Variants in VAMP7 observed in about 807,000 individuals in gnomAD.
The protein encoded by VAMP7 is vesicle-associated membrane protein 7.
A neutral mutation model predicts 29.6 loss-of-function variants in VAMP7; 14 were observed. The observed-to-expected ratio is 0.47, with a 90% CI of 0.31 to 0.74. The LOEUF is 0.74. Ranked by LOEUF, VAMP7 falls within the 30% of genes least tolerant of loss-of-function variation. The pLI is 0.05. For synonymous variants in VAMP7, 95 were observed against 88.1 expected (o/e 1.08, Z -0.44); for missense variants, 223 against 262.4 (o/e 0.85, Z 1.04).
intron 6 of VAMP7, among the ~76,000 whole-genome samples, chrX:155,923,575 G>A (rs1223444665): frequency 6.6e-6 from 1 of 151,276 alleles, no homozygotes; most frequent in Non-Finnish European, 1.5e-5. Context: ...TACATAAAGT[G>A]TATTTTTTTT....
chrX:155,927,754 T>C (rs933121291), intron 6 of VAMP7, among the ~76,000 whole-genome samples: 5 of 140,172 alleles, frequency 3.6e-5, no homozygotes, highest in Non-Finnish European at 6.1e-5. Flanking sequence ...TTTTAGTTTT[T>C]CACAATGGCA....
Position 155,919,872 on chromosome X carries a change from G to T in VAMP7, c.493G>T (p.Val165Leu), listed in dbSNP as rs143522328. The change falls in exon 6 of 8, where the codon GTG becomes TTG. Residue 165 changes from valine (V) to leucine (L), a missense_variant. Transcript: ENST00000286448. ...ATTGATTGACAAAACAGAAAATCTT[G>T]TGGATTCTGTAAGTATGGAATCTGA... ...ELLIDKTENL[V>L]DSSVTFKTTS... 58 of 1,611,864 alleles carry T rather than the reference G, an allele frequency of 3.6e-5. No individual in the cohort carries two copies. The highest frequency in any genetic ancestry group is 3.3e-4 in the Middle Eastern group (2 of 6,044).
chrX:155,934,584 C>G (rs1174211703), intron 6 of VAMP7, among the ~76,000 whole-genome samples: 1 of 152,106 alleles, frequency 6.6e-6, no homozygotes, highest in African/African-American at 2.4e-5. Context: ...TATTTTGAGC[C>G]TATGTGTGTC....
chrX:155,925,931 G>A (rs2066460821), intron 6 of VAMP7, among the ~76,000 whole-genome samples: 1 of 152,094 alleles, frequency 6.6e-6, no homozygotes, highest in African/African-American at 2.4e-5. Context: ...CTCCATCAGA[G>A]CTCTTGAGTG....
chrX:155,940,638 A>G (rs924242464), intron 7 of VAMP7, among the ~76,000 whole-genome samples: 5 of 152,230 alleles, frequency 3.3e-5, no homozygotes, highest in Admixed American at 2.6e-4. Context: ...CATGCAGAGC[A>G]CAGCTCTAAA....
intron 6 of VAMP7, among the ~76,000 whole-genome samples, chrX:155,932,285 A>G (rs2066571300): frequency 6.6e-6 from 1 of 152,156 alleles, no homozygotes; most frequent in Admixed American, 6.5e-5. Flanking sequence ...TTGAATCTAT[A>G]AATTACCTTG....
chrX:155,908,013 G>T (rs2066174345), intron 5 of VAMP7, among the ~76,000 whole-genome samples: 1 of 152,128 alleles, frequency 6.6e-6, no homozygotes, highest in Non-Finnish European at 1.5e-5. Context: ...CGGCTGGGCA[G>T]AGACGCTCCT....
intron 5 of VAMP7, among the ~76,000 whole-genome samples, chrX:155,908,190 T>A (rs940313848): frequency 1.3e-5 from 2 of 152,130 alleles, no homozygotes; most frequent in Non-Finnish European, 2.9e-5. Flanking sequence ...CTCGGCACTT[T>A]GGGAGGCCAA....
At chrX:155,886,804 TTATG>T (rs1170996656) in intron 1 of VAMP7, among the ~76,000 whole-genome samples, 5 of 152,172 alleles carry the variant, frequency 3.3e-5, no homozygotes, top group African/African-American at 1.2e-4. Flanking sequence ...TACTTTGAGA[TTATG>T]TAAGCATTTT....
Position 155,941,898 on chromosome X carries a change from A to G in VAMP7, c.610A>G (p.Ile204Val). Residue 204 changes from isoleucine (I) to valine (V), a missense_variant, in exon 8 of 8, where the codon ATT (isoleucine) becomes GTT (valine). By Grantham distance (29) the Ile-to-Val change is conservative (BLOSUM62 3). Transcript: ENST00000286448. ...IIVSIVFIYIIVSPLCGGFTW... is the reference protein window; with the variant it reads ...IIVSIVFIYIVVSPLCGGFTW... ...GTCCCTCCAGGTGTTCATCTATATC[A>G]TTGTTTCACCTCTCTGTGGTGGATT... 1 of 1,613,746 alleles carries G rather than the reference A, an allele frequency of 6.2e-7. No individual in the cohort carries two copies. The highest frequency in any genetic ancestry group is 8.5e-7 in the Non-Finnish European group (1 of 1,179,772).
At chrX:155,905,573 T>C (rs2066135881) in intron 5 of VAMP7, among the ~76,000 whole-genome samples, 1 of 152,214 alleles carries the variant, frequency 6.6e-6, no homozygotes, top group Non-Finnish European at 1.5e-5. Flanking sequence ...TTTGAGTTAA[T>C]GTTTATGTAT....
rs1374154944 is a variant in VAMP7 at position 155,941,252 on chromosome X, TTATAA to T, written c.595-624_595-620del. On this transcript the variant is annotated intron_variant, in intron 7 of 7. Transcript: ENST00000286448. Reference sequence around the variant, plus strand: ...TAATAATGTGAACAAGTAGTGACTTTTATAATATAATTTAAAATTATAATCTAGAA... The same window carrying T: ...TAATAATGTGAACAAGTAGTGACTTTTATAATTTAAAATTATAATCTAGAA... 1.9e-4 allele frequency among the ~76,000 whole-genome samples: 29 copies of T among 152,242 alleles called. 1 individual carries two copies. Among genetic ancestry groups the T allele is most frequent in the African/African-American group, 6.7e-4 (28 of 41,560 alleles).
chrX:155,901,165 T>C (rs1481538423), intron 5 of VAMP7, among the ~76,000 whole-genome samples: 2 of 152,080 alleles, frequency 1.3e-5, no homozygotes, highest in Non-Finnish European at 2.9e-5. Context: ...TTTGTGCCTA[T>C]TATGTTTTTC....
At chrX:155,917,856 T>G (rs2066335431) in intron 5 of VAMP7, among the ~76,000 whole-genome samples, 1 of 152,194 alleles carries the variant, frequency 6.6e-6, no homozygotes, top group African/African-American at 2.4e-5. Context: ...GCCGCTGCTC[T>G]CTTCCGAACT....
At chrX:155,931,518 A>C (rs1347573763) in intron 6 of VAMP7, among the ~76,000 whole-genome samples, 1 of 152,170 alleles carries the variant, frequency 6.6e-6, no homozygotes, top group East Asian at 1.9e-4. Flanking sequence ...TCTTTTGAGA[A>C]GTGTCTGTTC....
intron 2 of VAMP7, among the ~76,000 whole-genome samples, chrX:155,892,321 T>C (rs776601899): frequency 6.6e-6 from 1 of 152,298 alleles, no homozygotes; most frequent in Non-Finnish European, 1.5e-5. Flanking sequence ...ACTTTAATGC[T>C]TCTAAAAGGG....
intron 3 of VAMP7, among the ~76,000 whole-genome samples, chrX:155,895,900 A>G (rs1359103920): frequency 6.6e-6 from 1 of 152,108 alleles, no homozygotes; most frequent in Non-Finnish European, 1.5e-5. Context: ...AGATTCTCAT[A>G]TGAGTGTGAA....
At chrX:155,919,027 T>G (rs1193083731) in intron 5 of VAMP7, among the ~76,000 whole-genome samples, 2 of 152,210 alleles carry the variant, frequency 1.3e-5, no homozygotes, top group African/African-American at 4.8e-5. Flanking sequence ...TCAGGGTTGT[T>G]GGCCTGCAGT....
intron 6 of VAMP7, among the ~76,000 whole-genome samples, chrX:155,929,452 C>G (rs183022255): frequency 6.6e-6 from 1 of 152,050 alleles, no homozygotes; most frequent in African/African-American, 2.4e-5. Flanking sequence ...AGTTGCCCCC[C>G]CTGGGCATTG....
Sources: gnomAD v4.1 joint callset for allele counts (sites outside exome capture counted in the v4.1 genomes callset) on GRCh38, gnomAD v4.1.1 for gene constraint, MANE v1.5 for transcripts, NCBI Gene and HGNC (gene_info 2026-07-23, HGNC 2026-07-21) for gene names.